The following CRISPLD1 variants were observed in gnomAD, a reference collection of about 807,000 sequenced individuals.
The protein encoded by CRISPLD1 is cysteine rich secretory protein LCCL domain containing 1.
In CRISPLD1, 60 loss-of-function variants were observed where a neutral mutation model predicts 77.5. The observed-to-expected ratio is 0.77, with a 90% confidence interval of 0.63 to 0.96. CRISPLD1 has a LOEUF of 0.96. CRISPLD1 is among the 40% of genes least tolerant of loss of function. The pLI is 0.00. For missense variants in CRISPLD1, 623 were observed against 615.8 expected (o/e 1.01, Z -0.12); for synonymous variants, 195 against 200.1 (o/e 0.97, Z 0.22).
In CRISPLD1 at chr8:75,013,008, A is replaced by T. The variant is rs1200076655; in HGVS notation, c.496A>T (p.Thr166Ser). Residue 166 changes from threonine to serine, a missense_variant, in exon 4 of 15, where the codon ACA (threonine) becomes TCA (serine). By Grantham distance (58) the Thr-to-Ser change is moderately conservative. Coordinates refer to ENST00000262207, the MANE Select transcript of CRISPLD1 (RefSeq NM_031461.6). ...ATTCAGGTGTTCTGGCCCTGTATGT[A>T]CACATTATACACAGGTATGTTTGGG... is the stretch of plus-strand genomic sequence containing the variant. ...CPFRCSGPVC[T>S]HYTQVVWATS... 1 of 1,601,544 alleles carries T rather than the reference A, an allele frequency of 6.2e-7. No homozygotes were observed. Among genetic ancestry groups the T allele is most frequent in the Non-Finnish European group, 8.5e-7 (1 of 1,172,230 alleles).
At chr8:74,989,553 T>TA (rs1812543103) in intron 2 of CRISPLD1, among the ~76,000 whole-genome samples, 1 of 150,526 alleles carries the variant, frequency 6.6e-6, no homozygotes, top group African/African-American at 2.5e-5. Flanking sequence ...TTTTTTTTTT[T>TA]ATTTGAAAAA....
intron 2 of CRISPLD1, among the ~76,000 whole-genome samples, chr8:74,997,672 A>G (rs959747044): frequency 8.5e-5 from 13 of 152,172 alleles, no homozygotes; most frequent in Non-Finnish European, 2.9e-5. Context: ...GGTTGAGCCG[A>G]AAGAAGTTAG....
At chr8:75,031,176 T>G (rs1007378986) in intron 14 of CRISPLD1, among the ~76,000 whole-genome samples, 2 of 152,088 alleles carry the variant, frequency 1.3e-5, no homozygotes, top group African/African-American at 4.8e-5. Flanking sequence ...CATACATGCA[T>G]GCACATGTGT....
intron 2 of CRISPLD1, 28 bp downstream of exon 2, chr8:74,986,273 C>G: frequency 1.3e-6 from 2 of 1,595,080 alleles, no homozygotes; most frequent in Non-Finnish European, 1.7e-6. Context: ...GTGGTATGTA[C>G]AAAAGAAATG....
At chr8:75,008,836 A>G (rs1436246089) in intron 2 of CRISPLD1, among the ~76,000 whole-genome samples, 3 of 152,160 alleles carry the variant, frequency 2.0e-5, no homozygotes, top group African/African-American at 7.2e-5. Flanking sequence ...GTTACCTTCT[A>G]TTTCAGCTAA....
At chr8:75,018,404 G>C (rs1160017178) in intron 10 of CRISPLD1, among the ~76,000 whole-genome samples, 1 of 152,054 alleles carries the variant, frequency 6.6e-6, no homozygotes, top group Non-Finnish European at 1.5e-5. Flanking sequence ...CGATTCTCCT[G>C]CTTCAGTCTC....
intron 2 of CRISPLD1, chr8:75,000,063 A>G (rs1760848851): frequency 4.8e-6 from 4 of 826,174 alleles, no homozygotes; most frequent in Non-Finnish European, 5.8e-6. Context: ...ATAATGAGCT[A>G]TTAGGCAAGA....
chr8:75,025,666 A>C, intron 13 of CRISPLD1, 45 bp downstream of exon 13: 1 of 980,442 alleles, frequency 1.0e-6, no homozygotes, highest in Non-Finnish European at 1.6e-6. Flanking sequence ...ATGTATATAT[A>C]TAAATGTATA....
intron 12 of CRISPLD1, among the ~76,000 whole-genome samples, chr8:75,024,763 T>C (rs1410871652): frequency 1.3e-5 from 2 of 152,088 alleles, no homozygotes; most frequent in African/African-American, 4.8e-5. Context: ...GTTACCATGA[T>C]TGAGGTGCTT....
rs1288537417 is a variant in CRISPLD1 at position 75,013,972 on chromosome 8, A to G, written c.511-15A>G. On this transcript the variant is annotated splice_polypyrimidine_tract_variant and intron_variant, in intron 4 of 14. Transcript: ENST00000262207. ...TCAGCCTGCTTTTTCTGAGCCTTTC[A>G]TTTTTCTAACATAGGTCGTGTGGGC... The G allele has an allele frequency of 6.3e-7, 1 of 1,579,462 alleles. No individual in the cohort carries two copies. Among genetic ancestry groups the G allele is most frequent in the African/African-American group, 1.4e-5 (1 of 74,002 alleles).
At chr8:74,998,497 C>A in intron 2 of CRISPLD1, among the ~76,000 whole-genome samples, 1 of 151,658 alleles carries the variant, frequency 6.6e-6, no homozygotes. Context: ...GAGACCAGTC[C>A]TTCAACATGG....
At chr8:75,012,344 G>GA (rs1341346675) in intron 2 of CRISPLD1, 89 bp from the exon 3 acceptor site, 5 of 766,744 alleles carry the variant, frequency 6.5e-6, no homozygotes, top group African/African-American at 1.8e-5. Flanking sequence ...AAGAAAGAAA[G>GA]AAGAAAATGT....
At chr8:75,019,255 C>A (rs915690990) in intron 10 of CRISPLD1, among the ~76,000 whole-genome samples, 11 of 151,914 alleles carry the variant, frequency 7.2e-5, no homozygotes, top group African/African-American at 2.7e-4. Flanking sequence ...AGAGAGTGTA[C>A]CATGTTAAAG....
intron 12 of CRISPLD1, 34 bp from the exon 13 acceptor site, chr8:75,025,508 GCTTA>G (rs1563403106): frequency 3.5e-6 from 3 of 867,022 alleles, no homozygotes; most frequent in Non-Finnish European, 4.9e-6. Flanking sequence ...TAAGTAACCA[GCTTA>G]CTTAATATAT....
In CRISPLD1 at chr8:75,016,622, A is replaced by G; in HGVS notation, c.785A>G (p.Gln262Arg). The G allele has an allele frequency of 6.2e-7, 1 of 1,613,652 alleles. No homozygotes were observed. Among genetic ancestry groups the G allele is most frequent in the Non-Finnish European group, 8.5e-7 (1 of 1,179,652 alleles). ...REEETNEIERQQSQVHDTHVR... is the reference protein window; with the variant it reads ...REEETNEIERRQSQVHDTHVR... ...GAGGAAACAAATGAAATAGAACGAC[A>G]GCAGTCACAAGTCCATGACACCCAT... The change falls in exon 7 of 15, where the codon CAG becomes CGG. Residue 262 changes from glutamine (Q) to arginine (R), a missense_variant. Physicochemically the swap from Gln to Arg is conservative, Grantham distance 43. Transcript: ENST00000262207.
At chr8:75,016,066 T>A (rs1330087671) in intron 6 of CRISPLD1, among the ~76,000 whole-genome samples, 1 of 152,152 alleles carries the variant, frequency 6.6e-6, no homozygotes, top group Non-Finnish European at 1.5e-5. Context: ...TATTGAATTT[T>A]CTTCTAAAGG....
chr8:75,028,708 A>G (rs146323327), intron 13 of CRISPLD1, among the ~76,000 whole-genome samples: 134 of 152,316 alleles, frequency 8.8e-4, no homozygotes, highest in African/African-American at 3.0e-3. Context: ...GACTAGTGCA[A>G]TGTAATCATA....
At chr8:74,999,932 G>T (rs893145995) in intron 2 of CRISPLD1, among the ~76,000 whole-genome samples, 14 of 151,476 alleles carry the variant, frequency 9.2e-5, no homozygotes, top group Non-Finnish European at 1.8e-4. Context: ...CTGCTGGATA[G>T]TGAAAGTGAA....
chr8:75,013,865 A>G (rs911028106), intron 4 of CRISPLD1, 122 bp from the exon 5 acceptor site: 17 of 664,148 alleles, frequency 2.6e-5, no homozygotes, highest in Non-Finnish European at 4.3e-5. Context: ...ATTTGATCTC[A>G]GTTCATTTTG....
Sources: allele counts gnomAD v4.1 joint callset (sites outside exome capture counted in the v4.1 genomes callset), GRCh38; gene constraint gnomAD v4.1.1; transcripts MANE v1.5; gene names NCBI Gene and HGNC (gene_info 2026-07-23, HGNC 2026-07-21).